RIMBP2: variants seen among roughly 807,000 people sequenced by gnomAD.
RIMBP2 encodes RIMS binding protein 2.
RIMBP2 carries 48 observed loss-of-function variants against 118.6 expected under a neutral mutation model. The observed-to-expected ratio is 0.40, with a 90% CI of 0.32 to 0.51. The LOEUF (loss-of-function observed/expected upper bound fraction) is 0.51. RIMBP2 is among the 20% of genes least tolerant of loss of function. The pLI, the probability that RIMBP2 is intolerant of heterozygous loss-of-function variation, is 0.41. For synonymous variants in RIMBP2, 762 were observed against 742.9 expected (o/e 1.03, Z -0.42); for missense variants, 1,551 against 1,768.3 (o/e 0.88, Z 2.20).
chr12:130,466,432 C>T (rs2080482664), intron 6 of RIMBP2: 1 of 152,324 alleles, frequency 6.6e-6, no homozygotes, highest in East Asian at 1.9e-4. Flanking sequence ...AAAAAAGACA[C>T]TTCCCCATTG....
chr12:130,399,578 G>T (rs373513625), intron 22 of RIMBP2, 101 bp downstream of exon 22: 1 of 1,384,916 alleles, frequency 7.2e-7, no homozygotes, highest in South Asian at 1.5e-5. Context: ...GTGTATTTAC[G>T]CTTTTCGGCC....
chr12:130,715,395 C>T (rs546061741), intron 1 of RIMBP2, among the ~76,000 whole-genome samples: 63 of 152,308 alleles, frequency 4.1e-4, no homozygotes, highest in African/African-American at 1.3e-3. Context: ...AGCGTGCGCT[C>T]CCCGGGGACA....
intron 11 of RIMBP2, among the ~76,000 whole-genome samples, chr12:130,440,183 C>T (rs1028856885): frequency 8.2e-6 from 1 of 121,534 alleles, no homozygotes; most frequent in Admixed American, 8.1e-5. Context: ...CCACCGTCCC[C>T]GGGCATGGCT....
intron 2 of RIMBP2, among the ~76,000 whole-genome samples, chr12:130,604,006 G>A (rs1417769391): frequency 6.6e-6 from 1 of 152,158 alleles, no homozygotes; most frequent in African/African-American, 2.4e-5. Flanking sequence ...GTCACCCTAG[G>A]AGATGGCCGC....
chr12:130,518,297 G>C (rs1284446453), intron 2 of RIMBP2, among the ~76,000 whole-genome samples: 1 of 152,108 alleles, frequency 6.6e-6, no homozygotes, highest in African/African-American at 2.4e-5. Flanking sequence ...GACAGAGAAA[G>C]TTTAGAAATA....
At chr12:130,554,760 G>A (rs1156870788) in intron 2 of RIMBP2, among the ~76,000 whole-genome samples, 1 of 152,166 alleles carries the variant, frequency 6.6e-6, no homozygotes, top group Non-Finnish European at 1.5e-5. Context: ...GTCAGTGAAG[G>A]CACTGTTGAA....
At chr12:130,567,770 CT>C (rs907342195) in intron 2 of RIMBP2, among the ~76,000 whole-genome samples, 19 of 152,246 alleles carry the variant, frequency 1.2e-4, no homozygotes, top group African/African-American at 4.3e-4. Flanking sequence ...CCTCTTCCCC[CT>C]GGTCCTCCAG....
intron 1 of RIMBP2, among the ~76,000 whole-genome samples, chr12:130,711,637 T>C (rs1013878086): frequency 3.3e-5 from 5 of 152,230 alleles, no homozygotes; most frequent in Non-Finnish European, 7.3e-5. Flanking sequence ...CTCACACATA[T>C]GAAAATAACC....
In RIMBP2 at chr12:130,397,375, C is replaced by A. The variant is rs1222808463; in HGVS notation, c.4075G>T (p.Gly1359Cys). The change falls in exon 23 of 23, where the codon GGT becomes TGT. Residue 1359 changes from glycine to cysteine, a missense_variant. Physicochemically the swap from Gly to Cys is radical, Grantham distance 159. Around this residue, in one of 5 missense-constraint regions of RIMBP2, gnomAD observed 1,038 missense variants for 1,125.1 expected, o/e 0.92. Coordinates refer to ENST00000690449, the MANE Select transcript of RIMBP2 (RefSeq NM_001393629.1). ...AAGCACATGAATCATTTCACTGCAC[C>A]CAGCTTTTTCAGCAGTTTCTTGCCT... ...SKGKKLLKKL[G>C]AVK The A allele has an allele frequency of 2.5e-6, 1 of 398,788 alleles. No homozygotes were observed. The highest frequency in any genetic ancestry group is 4.4e-6 in the Non-Finnish European group (1 of 226,074). 24.7% of individuals were successfully genotyped at this position (398,788 alleles called of 1,614,324 possible).
At chr12:130,401,997 C>T (rs2074636842) in intron 21 of RIMBP2, among the ~76,000 whole-genome samples, 1 of 152,226 alleles carries the variant, frequency 6.6e-6, no homozygotes, top group African/African-American at 2.4e-5. Flanking sequence ...AGCCCCTGCT[C>T]TGGCTGAGTA....
intron 21 of RIMBP2, among the ~76,000 whole-genome samples, chr12:130,401,043 G>A (rs192520651): frequency 8.2e-4 from 125 of 152,320 alleles, no homozygotes; most frequent in Non-Finnish European, 1.6e-3. Flanking sequence ...TTCTGTAGAC[G>A]GATGGTGGTG....
At chr12:130,602,437 C>T (rs193029362) in intron 2 of RIMBP2, among the ~76,000 whole-genome samples, 40 of 152,292 alleles carry the variant, frequency 2.6e-4, no homozygotes, top group African/African-American at 4.6e-4. Context: ...CAATGCCCTC[C>T]GCCCATTTGG....
Position 130,442,267 on chromosome 12 carries a change from G to A in RIMBP2, c.1085C>T (p.Thr362Met), listed in dbSNP as rs374061154. 9 of 1,614,206 alleles carry A rather than the reference G, an allele frequency of 5.6e-6. 1 individual carries two copies. Among genetic ancestry groups the A allele is most frequent in the South Asian group, 4.4e-5 (4 of 91,084 alleles). Residue 362 changes from threonine (T) to methionine (M), a missense_variant, in exon 11 of 23, where the codon ACG becomes ATG. Physicochemically the swap from Thr to Met is moderately conservative, Grantham distance 81. Transcript: ENST00000690449. The surrounding 1 kb of genome is among the most constrained non-coding windows in gnomAD (Gnocchi z 6.9). ...GAGGGCTTTAGTTCTGCTCCCCAGCGTGAGGTTCATGCGTGTCTCCTTGTC... is the reference window on the plus strand; with the variant it reads ...GAGGGCTTTAGTTCTGCTCCCCAGCATGAGGTTCATGCGTGTCTCCTTGTC... ...LVDKETRMNL[T>M]LGSRTKALIE...
rs1167327454 is a variant in RIMBP2, at chr12:130,436,889, T to G, written c.2059A>C (p.Lys687Gln). The G allele has an allele frequency of 6.3e-7, 1 of 1,582,028 alleles. No homozygotes were observed. Among genetic ancestry groups the G allele is most frequent in the South Asian group, 1.2e-5 (1 of 86,292 alleles). Reference sequence around the variant, plus strand: ...TGCGCGGCCTCCCGGGCCATGGCCTTGGCGACGGTGGTGGACACCGGGGTG... The same window carrying G: ...TGCGCGGCCTCCCGGGCCATGGCCTGGGCGACGGTGGTGGACACCGGGGTG... ...QGTPVSTTVA[K>Q]AMAREAAQRV... The change falls in exon 13 of 23, where the codon AAG becomes CAG. Residue 687 changes from lysine (K) to glutamine (Q), a missense_variant. Coordinates refer to ENST00000690449, the MANE Select transcript of RIMBP2 (RefSeq NM_001393629.1).
At chr12:130,592,321 G>A (rs984046630) in intron 2 of RIMBP2, among the ~76,000 whole-genome samples, 1 of 152,204 alleles carries the variant, frequency 6.6e-6, no homozygotes, top group Non-Finnish European at 1.5e-5. Context: ...ACACAGAGAA[G>A]GGGAACGAAA....
chr12:130,588,661 A>G (rs1257091617), intron 2 of RIMBP2, among the ~76,000 whole-genome samples: 1 of 152,240 alleles, frequency 6.6e-6, no homozygotes, highest in Admixed American at 6.5e-5. Flanking sequence ...GTCCAATGCC[A>G]TATGGTTCAA....
At chr12:130,709,875 A>G (rs1370765310) in intron 1 of RIMBP2, among the ~76,000 whole-genome samples, 1 of 152,152 alleles carries the variant, frequency 6.6e-6, no homozygotes, top group African/African-American at 2.4e-5. Context: ...CAAAATGGCC[A>G]AATGGGCTTT....
chr12:130,629,188 T>C (rs1178105909), intron 1 of RIMBP2, among the ~76,000 whole-genome samples: 2 of 152,212 alleles, frequency 1.3e-5, no homozygotes, highest in Admixed American at 1.3e-4. Flanking sequence ...CTTGCTGATA[T>C]CCTGCATCCA....
chr12:130,456,531 T>C lies in RIMBP2; in HGVS notation c.323A>G (p.Gln108Arg). 6.2e-7 allele frequency: 1 copy of C among 1,605,844 alleles called. No homozygotes were observed. The highest frequency in any genetic ancestry group is 8.5e-7 in the Non-Finnish European group (1 of 1,173,656). The change falls in exon 7 of 23, where the codon CAG (glutamine) becomes CGG (arginine). Residue 108 changes from glutamine (Q) to arginine (R), a missense_variant. Gln to Arg is a conservative substitution (Grantham distance 43, BLOSUM62 1). Transcript: ENST00000690449. ...ISTAPSKPFP[Q>R]FMNGLATSLG... ...GGAGGTGGCTAGGCCATTCATGAAC[T>C]GTGGGAAAGGCTTGCTGGGGGCCGT... is the stretch of plus-strand genomic sequence containing the variant.
Sources: gnomAD v4.1 joint callset for allele counts (sites outside exome capture counted in the v4.1 genomes callset) on GRCh38, gnomAD v4.1.1 for gene constraint, gnomAD v4.1.1 regional missense constraint, Gnocchi (gnomAD v3.1) non-coding constraint, MANE v1.5 for transcripts, NCBI Gene and HGNC (gene_info 2026-07-23, HGNC 2026-07-21) for gene names.